The following FBXL5 variants were observed in gnomAD, a reference collection of about 807,000 sequenced individuals.
The protein encoded by FBXL5 is F-box/LRR-repeat protein 5.
FBXL5 carries 26 observed loss-of-function variants against 78.3 expected under a neutral mutation model. That is an observed-to-expected ratio of 0.33 (90% CI 0.24 to 0.46). The LOEUF (loss-of-function observed/expected upper bound fraction) is 0.46, where lower values mean the gene tolerates loss of function less well. FBXL5 is among the 20% of genes least tolerant of loss of function. FBXL5 has a pLI of 1.00. For synonymous variants in FBXL5, 295 were observed against 282.5 expected (o/e 1.04, Z -0.45); for missense variants, 710 against 829.2 (o/e 0.86, Z 1.77).
intron 4 of FBXL5, among the ~76,000 whole-genome samples, chr4:15,637,349 GTAT>G (rs1714389787): frequency 6.6e-6 from 1 of 152,070 alleles, no homozygotes; most frequent in African/African-American, 2.4e-5. Flanking sequence ...AACCTATAAT[GTAT>G]TATTTCAGTA....
intron 1 of FBXL5, among the ~76,000 whole-genome samples, chr4:15,676,367 T>A (rs1004996440): frequency 2.6e-5 from 4 of 152,064 alleles, no homozygotes; most frequent in African/African-American, 9.7e-5. Flanking sequence ...TGTATGAGGA[T>A]GGAAACAGCC....
At chr4:15,632,104 G>A (rs1713730595) in intron 5 of FBXL5, among the ~76,000 whole-genome samples, 2 of 152,130 alleles carry the variant, frequency 1.3e-5, no homozygotes, top group Admixed American at 1.3e-4. Flanking sequence ...AAGGTGTAAG[G>A]AAGGGATCCA....
intron 4 of FBXL5, among the ~76,000 whole-genome samples, chr4:15,637,337 T>A (rs1714387177): frequency 6.6e-6 from 1 of 152,182 alleles, no homozygotes; most frequent in Non-Finnish European, 1.5e-5. Flanking sequence ...TATGGATGTA[T>A]AAACCTATAA....
At chr4:15,628,180 G>C (rs4698402) in intron 6 of FBXL5, 147 bp from the exon 7 acceptor site, 4 of 774,204 alleles carry the variant, frequency 5.2e-6, no homozygotes, top group Non-Finnish European at 7.9e-6. Flanking sequence ...GCAATGAAAA[G>C]GTTTTGGAAA....
chr4:15,630,130 A>T (rs551076922), intron 6 of FBXL5, among the ~76,000 whole-genome samples: 2 of 152,296 alleles, frequency 1.3e-5, no homozygotes, highest in African/African-American at 4.8e-5. Context: ...AGTCTTATCC[A>T]TCCTTGAACT....
chr4:15,623,689 T>G (rs1712711995), intron 9 of FBXL5, among the ~76,000 whole-genome samples: 1 of 152,210 alleles, frequency 6.6e-6, no homozygotes, highest in African/African-American at 2.4e-5. Flanking sequence ...GTTCTTAAAC[T>G]ATAACATATG....
At chr4:15,641,620 G>C in intron 2 of FBXL5, 1 of 455,590 alleles carries the variant, frequency 2.2e-6, no homozygotes, top group Non-Finnish European at 4.4e-6. Flanking sequence ...CCAGTCAACA[G>C]TAGTAGGCTG....
At chr4:15,667,956 G>A (rs529372266) in intron 1 of FBXL5, among the ~76,000 whole-genome samples, 11 of 151,688 alleles carry the variant, frequency 7.3e-5, no homozygotes, top group Non-Finnish European at 1.3e-4. Context: ...GAGGAGAATC[G>A]CTTGAACTCG....
intron 1 of FBXL5, among the ~76,000 whole-genome samples, chr4:15,679,710 G>T: frequency 6.6e-6 from 1 of 150,688 alleles, no homozygotes; most frequent in Non-Finnish European, 1.5e-5. Context: ...AACTTTTCAG[G>T]ATTTTACTTA....
intron 1 of FBXL5, among the ~76,000 whole-genome samples, chr4:15,669,042 G>T (rs1717656828): frequency 6.6e-6 from 1 of 152,196 alleles, no homozygotes; most frequent in African/African-American, 2.4e-5. Flanking sequence ...AGGAAGATCG[G>T]TTAGTACAGG....
intron 6 of FBXL5, among the ~76,000 whole-genome samples, chr4:15,630,342 G>C (rs1713497577): frequency 6.6e-6 from 1 of 151,524 alleles, no homozygotes; most frequent in Non-Finnish European, 1.5e-5. Context: ...CTGTGCAACT[G>C]ATCACTTGAA....
rs749477667 is a variant in FBXL5 at position 15,655,333 on chromosome 4, T to G, written c.-46A>C. On this transcript the variant is annotated 5_prime_UTR_variant, in exon 1 of 11. Transcript: ENST00000341285. ...CCTCAGCAGCCGCGGCCGCCGCCTC[T>G]CCATAGACACCCTCGCCGCGGGGCA... 5.0e-4 allele frequency: 671 copies of G among 1,332,010 alleles called. No individual in the cohort carries two copies. Among genetic ancestry groups the G allele is most frequent in the Non-Finnish European group, 5.9e-4 (602 of 1,012,688 alleles). 82.5% of individuals were successfully genotyped at this position (1,332,010 alleles called of 1,614,324 possible). A position where few individuals can be genotyped will look rare whatever the true frequency, so the allele number is the denominator to read the frequency against.
upstream of FBXL5, among the ~76,000 whole-genome samples, chr4:15,658,705 T>C (rs2148758450): frequency 6.6e-6 from 1 of 152,364 alleles, no homozygotes; most frequent in South Asian, 2.1e-4. Flanking sequence ...TTTTTCTTTA[T>C]AAATTACCCA....
At chr4:15,668,081 C>G (rs1239292369) in intron 1 of FBXL5, among the ~76,000 whole-genome samples, 1 of 150,426 alleles carries the variant, frequency 6.6e-6, no homozygotes, top group Admixed American at 6.7e-5. Flanking sequence ...TAACTATCAA[C>G]TTAATCGAAA....
intron 1 of FBXL5, among the ~76,000 whole-genome samples, chr4:15,667,809 A>G (rs921346119): frequency 1.3e-5 from 2 of 152,160 alleles, no homozygotes; most frequent in Admixed American, 6.5e-5. Context: ...TGGGATGCCA[A>G]TGTGGGCGGA....
rs1321365731 is a variant in FBXL5, at chr4:15,605,279, G to A, written c.*444C>T. The A allele has an allele frequency of 6.5e-6, 1 of 153,000 alleles. No homozygotes were observed. The highest frequency in any genetic ancestry group is 2.4e-5 in the African/African-American group (1 of 41,468). The allele number at this position is 153,000 out of a possible 1,614,324, so 9.5% of individuals were successfully genotyped here. ...AATAAAGGAAATATTACGGAAAAGA[G>A]ATTAGTTTCCAAAAATGTGCTGTCT... is the stretch of plus-strand genomic sequence containing the variant. On this transcript the variant is annotated 3_prime_UTR_variant, in exon 11 of 11. Transcript: ENST00000341285.
chr4:15,644,888 T>C (rs1715210825), intron 1 of FBXL5, among the ~76,000 whole-genome samples, 180 bp from the exon 2 acceptor site: 1 of 152,222 alleles, frequency 6.6e-6, no homozygotes, highest in South Asian at 2.1e-4. Flanking sequence ...AAAAGTGCAC[T>C]AGGCCAGGAA....
At chr4:15,669,884 T>C (rs1717690426) in intron 1 of FBXL5, among the ~76,000 whole-genome samples, 1 of 152,188 alleles carries the variant, frequency 6.6e-6, no homozygotes, top group South Asian at 2.1e-4. Context: ...CATTCCAACT[T>C]ATCCAAGGGT....
At chr4:15,654,820 T>TG (rs2148731418) in intron 1 of FBXL5, among the ~76,000 whole-genome samples, 1 of 151,382 alleles carries the variant, frequency 6.6e-6, no homozygotes, top group East Asian at 2.0e-4. Context: ...CCACCGCAGG[T>TG]GGCCGGCCGG....
Sources: allele counts gnomAD v4.1 joint callset (sites outside exome capture counted in the v4.1 genomes callset), GRCh38; gene constraint gnomAD v4.1.1; transcripts MANE v1.5; gene names NCBI Gene and HGNC (gene_info 2026-07-23, HGNC 2026-07-21).